DPYD: variants seen among roughly 807,000 people sequenced by gnomAD.
DPYD encodes the protein dihydropyrimidine dehydrogenase.
DPYD carries 109 observed loss-of-function variants against 116.2 expected under a neutral mutation model. The ratio of observed to expected loss-of-function variants is 0.94; its 90% CI spans 0.80 to 1.10. The LOEUF (loss-of-function observed/expected upper bound fraction) is 1.10, where lower values mean the gene tolerates loss of function less well. Among genes scored for constraint, DPYD ranks in the 50% least tolerant of loss-of-function variants. The pLI, the probability that DPYD is intolerant of heterozygous loss-of-function variation, is 0.00. For missense variants in DPYD, 1,302 were observed against 1,254.5 expected (o/e 1.04, Z -0.57); for synonymous variants, 440 against 432.0 (o/e 1.02, Z -0.23).
At chr1:97,716,336 G>A (rs1662614047) in intron 5 of DPYD, among the ~76,000 whole-genome samples, 1 of 151,778 alleles carries the variant, frequency 6.6e-6, no homozygotes, top group Non-Finnish European at 1.5e-5. Flanking sequence ...TCTGAAAATG[G>A]TAAATCAAGA....
intron 2 of DPYD, among the ~76,000 whole-genome samples, chr1:97,875,242 G>A (rs1671850092): frequency 6.6e-6 from 1 of 151,834 alleles, no homozygotes; most frequent in Admixed American, 6.6e-5. Context: ...AAGCCAGGCA[G>A]GAATAGGCAT....
intron 8 of DPYD, among the ~76,000 whole-genome samples, chr1:97,660,752 AC>A (rs1437930024): frequency 1.3e-5 from 2 of 152,158 alleles, no homozygotes; most frequent in African/African-American, 4.8e-5. Context: ...GACATGTTCC[AC>A]CTTAGAACTT....
At chr1:97,626,014 A>G (rs936776127) in intron 8 of DPYD, among the ~76,000 whole-genome samples, 6 of 152,070 alleles carry the variant, frequency 3.9e-5, no homozygotes, top group Admixed American at 3.9e-4. Context: ...GTCATTTCAA[A>G]TATCAAGGGT....
At chr1:97,902,254 C>A (rs1558042515) in intron 1 of DPYD, among the ~76,000 whole-genome samples, 2 of 151,804 alleles carry the variant, frequency 1.3e-5, no homozygotes, top group Non-Finnish European at 2.9e-5. Flanking sequence ...AGAACCAAGT[C>A]TCCTAACTCT....
At chr1:97,579,359 A>G (rs1193318179) in intron 10 of DPYD, among the ~76,000 whole-genome samples, 1 of 152,222 alleles carries the variant, frequency 6.6e-6, no homozygotes, top group Admixed American at 6.5e-5. Context: ...AACTAGTAGT[A>G]TACTGAGTGA....
intron 12 of DPYD, among the ~76,000 whole-genome samples, chr1:97,547,703 T>C (rs753936987): frequency 4.6e-5 from 7 of 152,074 alleles, no homozygotes; most frequent in African/African-American, 7.2e-5. Context: ...TGTTTAAAGA[T>C]GAGGTCTCAC....
intron 13 of DPYD, among the ~76,000 whole-genome samples, chr1:97,468,333 A>G (rs186733909): frequency 6.6e-6 from 1 of 152,216 alleles, no homozygotes; most frequent in Non-Finnish European, 1.5e-5. Context: ...TTAATTATCA[A>G]TGTGATAGTT....
At chr1:97,858,056 C>A (rs987220778) in intron 2 of DPYD, among the ~76,000 whole-genome samples, 1 of 151,936 alleles carries the variant, frequency 6.6e-6, no homozygotes, top group Admixed American at 6.6e-5. Flanking sequence ...TAAGTTGATC[C>A]TCTTCCAATG....
intron 11 of DPYD, among the ~76,000 whole-genome samples, chr1:97,570,817 G>T (rs1196008328): frequency 6.6e-6 from 1 of 151,598 alleles, no homozygotes; most frequent in Non-Finnish European, 1.5e-5. Flanking sequence ...CTAGTCTATG[G>T]AATTTTAAAG....
intron 5 of DPYD, among the ~76,000 whole-genome samples, chr1:97,717,363 G>A (rs1427510910): frequency 6.6e-6 from 1 of 152,054 alleles, no homozygotes; most frequent in Non-Finnish European, 1.5e-5. Flanking sequence ...CCTCTTTTCT[G>A]AATGAGTCAC....
intron 20 of DPYD, among the ~76,000 whole-genome samples, chr1:97,171,237 T>C (rs1381901849): frequency 2.0e-5 from 3 of 152,124 alleles, no homozygotes; most frequent in Non-Finnish European, 4.4e-5. Context: ...ATGCCAATGA[T>C]GAAAGGTTGA....
At chr1:97,837,616 CCAGA>C (rs1272901127) in intron 2 of DPYD, among the ~76,000 whole-genome samples, 2 of 151,964 alleles carry the variant, frequency 1.3e-5, no homozygotes, top group South Asian at 2.1e-4. Flanking sequence ...TTCTAAAACA[CCAGA>C]CAGTTATTTC....
chr1:97,755,406 G>T (rs1665174359), intron 3 of DPYD, among the ~76,000 whole-genome samples: 1 of 152,060 alleles, frequency 6.6e-6, no homozygotes, highest in Non-Finnish European at 1.5e-5. Context: ...GCCCACAATG[G>T]GTCTTAGGCT....
intron 20 of DPYD, among the ~76,000 whole-genome samples, chr1:97,140,187 T>C (rs1570535150): frequency 6.6e-6 from 1 of 152,034 alleles, no homozygotes; most frequent in Non-Finnish European, 1.5e-5. Context: ...AGGAGGCTGG[T>C]GTCTGACTAC....
intron 14 of DPYD, among the ~76,000 whole-genome samples, chr1:97,411,954 G>C (rs1214520048): frequency 1.3e-5 from 2 of 152,116 alleles, no homozygotes; most frequent in Admixed American, 1.3e-4. Context: ...AAGGCAATGT[G>C]ATCTAATTAA....
chr1:97,822,247 T>TACAC (rs756200415), intron 3 of DPYD, among the ~76,000 whole-genome samples: 211 of 148,814 alleles, frequency 1.4e-3, no homozygotes, highest in Middle Eastern at 3.6e-3. Flanking sequence ...TATATATATA[T>TACAC]ACACACACAC....
At chr1:97,230,099 T>C (rs1376326821) in intron 19 of DPYD, among the ~76,000 whole-genome samples, 1 of 152,094 alleles carries the variant, frequency 6.6e-6, no homozygotes, top group African/African-American at 2.4e-5. Flanking sequence ...AAAAGATAAA[T>C]TTAGGCAAAC....
chr1:97,628,301 T>C (rs1366750527), intron 8 of DPYD, among the ~76,000 whole-genome samples: 3 of 152,066 alleles, frequency 2.0e-5, no homozygotes, highest in African/African-American at 7.2e-5. Context: ...TTCCTCCCTA[T>C]ACCTTGATTT....
intron 3 of DPYD, among the ~76,000 whole-genome samples, chr1:97,758,377 G>A (rs1665379678): frequency 6.7e-6 from 1 of 149,742 alleles, no homozygotes; most frequent in Non-Finnish European, 1.5e-5. Flanking sequence ...AAAAAAAACA[G>A]TTTCATTTTA....
Sources: gnomAD v4.1 joint callset for allele counts (sites outside exome capture counted in the v4.1 genomes callset) on GRCh38, gnomAD v4.1.1 for gene constraint, MANE v1.5 for transcripts, NCBI Gene and HGNC (gene_info 2026-07-23, HGNC 2026-07-21) for gene names.